The following HOMER3 variants were observed in gnomAD, a reference collection of about 807,000 sequenced individuals.
HOMER3 encodes the protein homer protein homolog 3.
HOMER3 carries 34 observed loss-of-function variants against 45.5 expected under a neutral mutation model. The observed-to-expected ratio is 0.75, with a 90% CI of 0.57 to 1.00. HOMER3 has a LOEUF of 1.00. Among genes scored for constraint, HOMER3 ranks in the 50% least tolerant of loss-of-function variants. The probability of loss-of-function intolerance (pLI) is 0.00; values close to 1 mark genes in which losing one functional copy is unlikely to be tolerated. For synonymous variants in HOMER3, 223 were observed against 208.8 expected (o/e 1.07, Z -0.58); for missense variants, 480 against 497.5 (o/e 0.96, Z 0.33).
chr19:18,932,879 A>AACCCCCCCCCCCCCCCCCCCCCCC, intron 6 of HOMER3, 45 bp downstream of exon 6: 1 of 226,450 alleles, frequency 4.4e-6, no homozygotes, highest in Non-Finnish European at 8.4e-6. Context: ...CTCGTCCCCC[A>AACCCCCCCCCCCCCCCCCCCCCCC]CCCCTACCCC....
intron 1 of HOMER3, 193 bp downstream of exon 1, chr19:18,940,858 C>G (rs1290351708): frequency 1.3e-5 from 2 of 152,442 alleles, no homozygotes; most frequent in Non-Finnish European, 2.9e-5. Flanking sequence ...GAACCTCCCA[C>G]GCAGTCCCCT....
Position 18,937,323 on chromosome 19 carries a change from A to G in HOMER3, c.303+1030T>C, listed in dbSNP as rs537533136. The stretch of plus-strand genomic sequence containing the variant: ...AAGATCTTGTTAAAAAAAAAAAAAA[A>G]AAGAAGGGAGGGAGGGAGGGAAAAA... On this transcript the variant is annotated intron_variant, in intron 4 of 9. Transcript: ENST00000392351. Among the ~76,000 whole-genome samples the G allele has an allele frequency of 2.4e-4, 36 of 150,154 alleles. No individual in the cohort carries two copies. The Middle Eastern group carries it at 0.01, about 43-fold the overall frequency.
intron 4 of HOMER3, among the ~76,000 whole-genome samples, chr19:18,936,253 C>A (rs1437688451): frequency 6.7e-6 from 1 of 150,252 alleles, no homozygotes; most frequent in South Asian, 2.1e-4. Context: ...GCGGAAGTTG[C>A]GGTGAGCCGA....
chr19:18,931,564 A>G lies in HOMER3; in HGVS notation c.752T>C (p.Leu251Pro), dbSNP rs2057032530. Reference protein sequence around the residue: ...EVTPTGEKEGLGQGQSLEQLE... With the variant: ...EVTPTGEKEGPGQGQSLEQLE... The stretch of plus-strand genomic sequence containing the variant: ...CTGTTCCAGCGACTGGCCCTGGCCC[A>G]GCCCCTCCTTCTCACCGGTGGGGGT... Residue 251 changes from leucine to proline, a missense_variant, in exon 8 of 10, where the codon CTG (leucine) becomes CCG (proline). By Grantham distance (98) the Leu-to-Pro change is moderately conservative. Transcript: ENST00000392351. 1.2e-6 allele frequency: 2 copies of G among 1,613,452 alleles called. No individual in the cohort carries two copies. The highest frequency in any genetic ancestry group is 1.7e-6 in the Non-Finnish European group (2 of 1,179,956).
At chr19:18,939,477 AAG>A (rs1375283172) in intron 1 of HOMER3, 1 of 153,584 alleles carries the variant, frequency 6.5e-6, no homozygotes, top group Non-Finnish European at 1.4e-5. Flanking sequence ...AAGAAACAAA[AAG>A]GTAAGATAAT....
chr19:18,935,152 T>TTTTG (rs1555715207), intron 4 of HOMER3, among the ~76,000 whole-genome samples: 10 of 106,718 alleles, frequency 9.4e-5, no homozygotes, highest in African/African-American at 3.1e-4. Context: ...TTTTTTTTTT[T>TTTTG]GGGGGGGGAC....
intron 4 of HOMER3, among the ~76,000 whole-genome samples, chr19:18,937,818 T>TGCCCA (rs888860262): frequency 3.3e-5 from 5 of 152,004 alleles, no homozygotes; most frequent in East Asian, 3.9e-4. Context: ...TGTGGGAAAG[T>TGCCCA]GCCCAGCCCA....
At chr19:18,932,883 C>CCCCCCCCCCCCCCCCCCCA in intron 6 of HOMER3, 41 bp downstream of exon 6, 1 of 827,120 alleles carries the variant, frequency 1.2e-6, no homozygotes, top group Admixed American at 4.3e-5. Context: ...TCCCCCACCC[C>CCCCCCCCCCCCCCCCCCCA]TACCCCCGCC....
intron 6 of HOMER3, among the ~76,000 whole-genome samples, chr19:18,932,696 CA>C (rs1568337377): frequency 6.6e-6 from 1 of 151,592 alleles, no homozygotes; most frequent in African/African-American, 2.4e-5. Context: ...GCGAGGTTAG[CA>C]GCGAGAAGAG....
At chr19:18,939,220 C>G in intron 1 of HOMER3, 171 bp from the exon 2 acceptor site, 1 of 502,360 alleles carries the variant, frequency 2.0e-6, no homozygotes, top group Non-Finnish European at 3.5e-6. Context: ...CAGGAGGATC[C>G]TTTGAGCCCA....
chr19:18,939,903 CA>C (rs999816827), intron 1 of HOMER3: 3 of 152,744 alleles, frequency 2.0e-5, no homozygotes, highest in Non-Finnish European at 1.5e-5. Context: ...GTTAAAAAGA[CA>C]AGATGTAGAC....
Position 18,939,028 on chromosome 19 carries a change from G to A in HOMER3, c.-46C>T. On this transcript the variant is annotated 5_prime_UTR_variant, in exon 2 of 10. Coordinates refer to ENST00000392351, the MANE Select transcript of HOMER3 (RefSeq NM_004838.4). ...GGCTCTAGGGGGCAGCCAGAGAGGTGGCAGGAGCACTGGTTTGGCCCCTAG... is the reference window on the plus strand; with the variant it reads ...GGCTCTAGGGGGCAGCCAGAGAGGTAGCAGGAGCACTGGTTTGGCCCCTAG... 1 of 1,536,068 alleles carries A rather than the reference G, an allele frequency of 6.5e-7. No homozygotes were observed. Among genetic ancestry groups the A allele is most frequent in the Non-Finnish European group, 8.8e-7 (1 of 1,142,330 alleles).
intron 6 of HOMER3, among the ~76,000 whole-genome samples, chr19:18,932,429 G>A (rs2057046363): frequency 6.6e-6 from 1 of 151,520 alleles, no homozygotes; most frequent in Admixed American, 6.6e-5. Context: ...GGGGCCAGAG[G>A]AGGGGTGGCT....
At chr19:18,930,574 C>G (rs895738275) in intron 9 of HOMER3, among the ~76,000 whole-genome samples, 2 of 150,950 alleles carry the variant, frequency 1.3e-5, no homozygotes, top group Admixed American at 6.6e-5. Flanking sequence ...TCAGATAAAG[C>G]CTTTAGCAAA....
In HOMER3 at chr19:18,933,009, C is replaced by CG; in HGVS notation, c.447dup (p.Gly150ArgfsTer12). On this transcript the variant is annotated frameshift_variant, in exon 6 of 10. Coordinates refer to ENST00000392351, the MANE Select transcript of HOMER3 (RefSeq NM_004838.4). LOFTEE classifies it high-confidence loss of function. Reference sequence around the variant, plus strand: ...TGGCTGCGGAACAGTTTTTCCTCGCCGGGGCCGTTGGCACTGACGAGAGGG... The same window carrying CG: ...TGGCTGCGGAACAGTTTTTCCTCGCCGGGGGCCGTTGGCACTGACGAGAGGG... 1 of 1,484,936 alleles carries CG rather than the reference C, an allele frequency of 6.7e-7. No homozygotes were observed. The allele number at this position is 1,484,936 out of a possible 1,614,324, so 92.0% of individuals were successfully genotyped here.
At chr19:18,931,680 G>A (rs1242323846) in intron 7 of HOMER3, 55 bp from the exon 8 acceptor site, 9 of 1,536,916 alleles carry the variant, frequency 5.9e-6, no homozygotes, top group African/African-American at 4.1e-5. Flanking sequence ...TCCCTTGCTC[G>A]CCCAACCTCT....
At chr19:18,940,441 G>C (rs1232944560) in intron 1 of HOMER3, 2 of 152,304 alleles carry the variant, frequency 1.3e-5, no homozygotes, top group Non-Finnish European at 2.9e-5. Context: ...ATGCACCCGA[G>C]TGCGGGGGAC....
At position 18,939,041 on chromosome 19, in the gene HOMER3, GT is replaced by G; in HGVS notation, c.-60del. On this transcript the variant is annotated 5_prime_UTR_variant, in exon 2 of 10. Transcript: ENST00000392351. Reference sequence around the variant, plus strand: ...AGCCAGAGAGGTGGCAGGAGCACTGGTTTGGCCCCTAGGGAGAGAGGAGGGA... The same window carrying G: ...AGCCAGAGAGGTGGCAGGAGCACTGGTTGGCCCCTAGGGAGAGAGGAGGGA... 1 of 1,508,850 alleles carries G rather than the reference GT, an allele frequency of 6.6e-7. No individual in the cohort carries two copies. Among genetic ancestry groups the G allele is most frequent in the South Asian group, 1.3e-5 (1 of 75,914 alleles). 93.5% of individuals were successfully genotyped at this position (1,508,850 alleles called of 1,614,324 possible). A position where few individuals can be genotyped will look rare whatever the true frequency, so the allele number is the denominator to read the frequency against.
In HOMER3 at chr19:18,932,004, C is replaced by T. The variant is rs779202135; in HGVS notation, c.662G>A (p.Arg221His). 6.5e-7 allele frequency: 1 copy of T among 1,545,630 alleles called. No homozygotes were observed. The highest frequency in any genetic ancestry group is 1.2e-5 in the South Asian group (1 of 83,700). ...CTGCCGCAGCCGCTCGGCCTCTGCACGCTGAGCCTCCAGCTGCTGCCTCCA... is the reference window on the plus strand; with the variant it reads ...CTGCCGCAGCCGCTCGGCCTCTGCATGCTGAGCCTCCAGCTGCTGCCTCCA... ...AQWRQQLEAQ[R>H]AEAERLRQRV... The change falls in exon 7 of 10, where the codon CGT becomes CAT. Residue 221 changes from arginine to histidine, a missense_variant. Transcript: ENST00000392351.
Sources: allele counts gnomAD v4.1 joint callset (sites outside exome capture counted in the v4.1 genomes callset), GRCh38; gene constraint gnomAD v4.1.1; transcripts MANE v1.5; gene names NCBI Gene and HGNC (gene_info 2026-07-23, HGNC 2026-07-21).